The following AFF1 variants were observed in gnomAD, a reference collection of about 807,000 sequenced individuals.
AFF1 encodes the protein ALF transcription elongation factor 1.
AFF1 carries 48 observed loss-of-function variants against 121.7 expected under a neutral mutation model. The ratio of observed to expected loss-of-function variants is 0.39; its 90% confidence interval spans 0.31 to 0.50. AFF1 has a LOEUF of 0.50. Ranked by LOEUF, AFF1 falls within the 20% of genes least tolerant of loss-of-function variation. AFF1 has a pLI of 0.76. For missense variants in AFF1, 1,523 were observed against 1,511.7 expected, an observed-to-expected ratio of 1.01 and a Z score of -0.12; for synonymous variants, 613 against 563.0, an observed-to-expected ratio of 1.09 and a Z score of -1.26.
chr4:87,139,705 T>C lies in AFF1; in HGVS notation c.*4004T>C. On this transcript the variant is annotated 3_prime_UTR_variant, in exon 21 of 21. Transcript: ENST00000395146. Reference sequence around the variant, plus strand: ...TGGATGTAAGGTATTTTCCTGTGCCTTTATTTTGTGTCATTCTATTGGAAG... The same window carrying C: ...TGGATGTAAGGTATTTTCCTGTGCCCTTATTTTGTGTCATTCTATTGGAAG... 1 of 228,296 alleles carries C rather than the reference T, an allele frequency of 4.4e-6. No individual in the cohort carries two copies. Among genetic ancestry groups the C allele is most frequent in the Non-Finnish European group, 8.7e-6 (1 of 114,882 alleles). 14.1% of individuals were successfully genotyped at this position (228,296 alleles called of 1,614,324 possible).
intron 2 of AFF1, among the ~76,000 whole-genome samples, chr4:87,021,266 G>A (rs1391761693): frequency 2.6e-5 from 4 of 152,078 alleles, no homozygotes; most frequent in African/African-American, 7.2e-5. Flanking sequence ...ATGGATTACC[G>A]TGTTCTTTGT....
chr4:87,049,079 TAAAAAA>T (rs869134642), intron 4 of AFF1, among the ~76,000 whole-genome samples: 1 of 66,070 alleles, frequency 1.5e-5, no homozygotes, highest in African/African-American at 5.6e-5. Context: ...GTTCCCAGTT[TAAAAAA>T]AAAAAAAAAA....
intron 2 of AFF1, among the ~76,000 whole-genome samples, chr4:87,022,982 A>G (rs115106729): frequency 1.2e-4 from 18 of 151,968 alleles, no homozygotes; most frequent in Admixed American, 1.2e-3. Flanking sequence ...AGCTTACCGC[A>G]GCATTAGACT....
At chr4:86,935,968 G>A (rs576434883) in intron 1 of AFF1, 12 of 152,416 alleles carry the variant, frequency 7.9e-5, no homozygotes, top group African/African-American at 2.9e-4. Flanking sequence ...AGAAGGTGGA[G>A]AGTGTGAATC....
intron 5 of AFF1, among the ~76,000 whole-genome samples, chr4:87,086,267 G>A (rs1026902381): frequency 1.5e-4 from 23 of 152,102 alleles, no homozygotes; most frequent in Non-Finnish European, 2.2e-4. Flanking sequence ...AGAAGTAAAT[G>A]CAACAGTGCA....
chr4:87,132,432 A>T (rs573003516), intron 19 of AFF1, 24 bp downstream of exon 19: 1 of 1,568,772 alleles, frequency 6.4e-7, no homozygotes, highest in South Asian at 1.2e-5. Context: ...TAATATAAAT[A>T]ATTTCCAGAA....
At chr4:87,018,086 C>T (rs1027699037) in intron 2 of AFF1, among the ~76,000 whole-genome samples, 1 of 152,176 alleles carries the variant, frequency 6.6e-6, no homozygotes, top group East Asian at 1.9e-4. Flanking sequence ...AATTTACCTG[C>T]GTAAGAATTA....
At chr4:86,986,742 A>G (rs1433438364) in intron 2 of AFF1, among the ~76,000 whole-genome samples, 1 of 152,214 alleles carries the variant, frequency 6.6e-6, no homozygotes, top group Non-Finnish European at 1.5e-5. Context: ...ATAATTAGAT[A>G]TTTGATGCTA....
intron 12 of AFF1, among the ~76,000 whole-genome samples, chr4:87,124,303 T>G (rs915242805): frequency 4.6e-5 from 7 of 152,222 alleles, no homozygotes; most frequent in African/African-American, 1.7e-4. Context: ...TCCCTTTTCC[T>G]TACTCCCACT....
At chr4:87,007,450 T>C (rs1438479213) in intron 2 of AFF1, 3 of 1,613,718 alleles carry the variant, frequency 1.9e-6, no homozygotes, top group Admixed American at 1.7e-5. Flanking sequence ...GAGAAACTTT[T>C]CAAACGCGTT....
chr4:87,025,654 G>A (rs1728456162), intron 2 of AFF1, among the ~76,000 whole-genome samples: 2 of 152,140 alleles, frequency 1.3e-5, no homozygotes, highest in Admixed American at 1.3e-4. Flanking sequence ...ACGCCTGGGA[G>A]GGGGGTGTGC....
chr4:87,138,146 C>T lies in AFF1; in HGVS notation c.*2445C>T, dbSNP rs1000029595. 4 of 231,228 alleles carry T rather than the reference C, an allele frequency of 1.7e-5. No homozygotes were observed. The highest frequency in any genetic ancestry group is 3.4e-5 in the Non-Finnish European group (4 of 117,082). The allele number at this position is 231,228 out of a possible 1,614,324, so 14.3% of individuals were successfully genotyped here. ...CATTGGATATTTCTGATCCTTATTGCATTGTACCTAAAGGAGAGTAACTAA... is the reference window on the plus strand; with the variant it reads ...CATTGGATATTTCTGATCCTTATTGTATTGTACCTAAAGGAGAGTAACTAA... On this transcript the variant is annotated 3_prime_UTR_variant, in exon 21 of 21. Transcript: ENST00000395146.
intron 2 of AFF1, among the ~76,000 whole-genome samples, chr4:86,958,305 G>A (rs944570055): frequency 6.6e-5 from 10 of 151,572 alleles, no homozygotes; most frequent in African/African-American, 2.4e-4. Context: ...ATGTTAGGCT[G>A]GTCTCAAACT....
intron 2 of AFF1, among the ~76,000 whole-genome samples, chr4:87,016,825 T>C (rs563654582): frequency 3.3e-4 from 51 of 152,314 alleles, no homozygotes; most frequent in Non-Finnish European, 4.7e-4. Flanking sequence ...GATGGTTTCT[T>C]GCATCTGACT....
chr4:87,068,263 C>CCT, intron 4 of AFF1, among the ~76,000 whole-genome samples: 1 of 145,226 alleles, frequency 6.9e-6, no homozygotes, highest in Admixed American at 6.9e-5. Context: ...AATTGCCCCC[C>CCT]CCCCACTCCA....
chr4:87,078,289 T>C (rs1722863803), intron 4 of AFF1, among the ~76,000 whole-genome samples: 1 of 152,230 alleles, frequency 6.6e-6, no homozygotes, highest in African/African-American at 2.4e-5. Flanking sequence ...TGTTGCTTTA[T>C]AATTCAGGCA....
intron 2 of AFF1, among the ~76,000 whole-genome samples, chr4:87,042,144 G>A (rs1303023923): frequency 3.3e-5 from 5 of 151,992 alleles, no homozygotes; most frequent in Non-Finnish European, 7.4e-5. Flanking sequence ...ACAGTGATGT[G>A]TATAGGCTCA....
chr4:86,971,636 C>A (rs536376859), intron 2 of AFF1, among the ~76,000 whole-genome samples: 1 of 152,298 alleles, frequency 6.6e-6, no homozygotes, highest in African/African-American at 2.4e-5. Context: ...GTGCAAAGCA[C>A]TATGCTGCAT....
At chr4:86,939,395 A>G (rs1720292066) in intron 1 of AFF1, among the ~76,000 whole-genome samples, 1 of 152,204 alleles carries the variant, frequency 6.6e-6, no homozygotes. Context: ...TCTAAAATAT[A>G]AATAGTGTTT....
Sources: allele counts gnomAD v4.1 joint callset (sites outside exome capture counted in the v4.1 genomes callset), GRCh38; gene constraint gnomAD v4.1.1; transcripts MANE v1.5; gene names NCBI Gene and HGNC (gene_info 2026-07-23, HGNC 2026-07-21).